Variants in FNBP1L observed in about 807,000 individuals in gnomAD.
FNBP1L encodes formin binding protein 1 like.
A neutral mutation model predicts 91.2 loss-of-function variants in FNBP1L; 36 were observed. The observed-to-expected ratio is 0.39, with a 90% CI of 0.30 to 0.52. The LOEUF is 0.52. Ranked by LOEUF, FNBP1L falls within the 20% of genes least tolerant of loss-of-function variation. The pLI, the probability that FNBP1L is intolerant of heterozygous loss-of-function variation, is 0.66. For synonymous variants in FNBP1L, 242 were observed against 237.0 expected, an observed-to-expected ratio of 1.02 and a Z score of -0.19; for missense variants, 571 against 732.1, an observed-to-expected ratio of 0.78 and a Z score of 2.54.
chr1:93,533,659 G>T (rs1671755346), intron 8 of FNBP1L, among the ~76,000 whole-genome samples: 1 of 152,206 alleles, frequency 6.6e-6, no homozygotes, highest in African/African-American at 2.4e-5. Flanking sequence ...ACTGGTGTTT[G>T]CAGGATATCA....
chr1:93,478,059 CTG>C (rs2101704709), intron 1 of FNBP1L, among the ~76,000 whole-genome samples: 2 of 152,308 alleles, frequency 1.3e-5, no homozygotes, highest in South Asian at 2.1e-4. Flanking sequence ...ACTGTGAAAA[CTG>C]TGTGAATTAA....
chr1:93,551,106 G>T lies in FNBP1L; in HGVS notation c.1810+1G>T. ...GTAACTCTAGAGAAAAACAGTAAAG[G>T]TGCAGTAACTTATATCTAAACTAAC... On this transcript the variant is annotated splice_donor_variant, in intron 16 of 16. Coordinates refer to ENST00000271234, the MANE Select transcript of FNBP1L (RefSeq NM_001164473.3). LOFTEE classifies it high-confidence loss of function. 2 of 1,602,900 alleles carry T rather than the reference G, an allele frequency of 1.2e-6. No homozygotes were observed. Among genetic ancestry groups the T allele is most frequent in the South Asian group, 1.1e-5 (1 of 89,490 alleles).
chr1:93,550,466 G>A (rs918064227), intron 15 of FNBP1L, among the ~76,000 whole-genome samples: 4 of 152,122 alleles, frequency 2.6e-5, no homozygotes, highest in Non-Finnish European at 5.9e-5. Flanking sequence ...AGTTGTGTAT[G>A]GCCATTCTGT....
chr1:93,491,118 A>C (rs1490633277), intron 1 of FNBP1L, among the ~76,000 whole-genome samples: 22 of 151,758 alleles, frequency 1.4e-4, no homozygotes. Context: ...TTTTTTAAAA[A>C]ATTATTTTTT....
chr1:93,551,078 G>A lies in FNBP1L; in HGVS notation c.1783G>A (p.Asp595Asn), dbSNP rs769227073. Reference sequence around the variant, plus strand: ...AGGCTACGTTCCCACGTCATACATAGATGTAACTCTAGAGAAAAACAGTAA... The same window carrying A: ...AGGCTACGTTCCCACGTCATACATAAATGTAACTCTAGAGAAAAACAGTAA... ...EEGYVPTSYI[D>N]VTLEKNSKGS Residue 595 changes from aspartate to asparagine, a missense_variant, in exon 16 of 17, where the codon GAT (aspartate) becomes AAT (asparagine). Asp to Asn is a conservative substitution (Grantham distance 23). Transcript: ENST00000271234. The A allele has an allele frequency of 1.1e-5, 18 of 1,610,652 alleles. No homozygotes were observed. In the Admixed American group the frequency reaches 1.7e-4, roughly 15 times the overall value.
chr1:93,521,114 T>G (rs1671308544), intron 2 of FNBP1L, among the ~76,000 whole-genome samples: 1 of 152,026 alleles, frequency 6.6e-6, no homozygotes, highest in Non-Finnish European at 1.5e-5. Flanking sequence ...CAAACAAAGG[T>G]AGTCCATTCT....
At chr1:93,460,832 A>G (rs1334723485) in intron 1 of FNBP1L, among the ~76,000 whole-genome samples, 1 of 152,238 alleles carries the variant, frequency 6.6e-6, no homozygotes, top group Non-Finnish European at 1.5e-5. Context: ...TTATGCAGGA[A>G]GAATAAGTTA....
chr1:93,520,291 ATAAT>A (rs1671280021), intron 2 of FNBP1L, among the ~76,000 whole-genome samples: 2 of 152,342 alleles, frequency 1.3e-5, no homozygotes, highest in South Asian at 4.1e-4. Context: ...TAATCTGAGA[ATAAT>A]TAAGACAGTG....
chr1:93,544,670 A>G (rs1672158332), intron 12 of FNBP1L, among the ~76,000 whole-genome samples: 2 of 152,108 alleles, frequency 1.3e-5, no homozygotes, highest in South Asian at 4.1e-4. Context: ...CGTTTCCTCT[A>G]GTTTAATTTT....
At chr1:93,495,670 A>T (rs1390257533) in intron 1 of FNBP1L, among the ~76,000 whole-genome samples, 1 of 152,162 alleles carries the variant, frequency 6.6e-6, no homozygotes, top group Non-Finnish European at 1.5e-5. Context: ...TTCTTTAACT[A>T]GTATGCTTAC....
chr1:93,491,780 T>G lies in FNBP1L; in HGVS notation c.25-7688T>G, dbSNP rs557014959. Among the ~76,000 whole-genome samples, 4 of 152,348 alleles carry G rather than the reference T, an allele frequency of 2.6e-5. No individual in the cohort carries two copies. In the East Asian group the frequency reaches 7.7e-4, roughly 29 times the overall value. On this transcript the variant is annotated intron_variant, in intron 1 of 16. Coordinates refer to ENST00000271234, the MANE Select transcript of FNBP1L (RefSeq NM_001164473.3). ...AAGTATAGTACAACCTTAAATATAC[T>G]TAACACAATTATAGGCTTCTGTTAT...
chr1:93,512,955 A>G (rs1670916017), intron 2 of FNBP1L, among the ~76,000 whole-genome samples: 1 of 152,122 alleles, frequency 6.6e-6, no homozygotes, highest in East Asian at 1.9e-4. Context: ...AGACACAAAA[A>G]ACCCTTCAAA....
Position 93,502,069 on chromosome 1 carries a change from C to T in FNBP1L, c.140+2486C>T, listed in dbSNP as rs577550921. Reference sequence around the variant, plus strand: ...CATTTTAAAATTTAAAAGCCTTATTCATCAGGTTGAATGATGAATGTGCAG... The same window carrying T: ...CATTTTAAAATTTAAAAGCCTTATTTATCAGGTTGAATGATGAATGTGCAG... On this transcript the variant is annotated intron_variant, in intron 2 of 16. Transcript: ENST00000271234. Among the ~76,000 whole-genome samples, 9 of 152,224 alleles carry T rather than the reference C, an allele frequency of 5.9e-5. No individual in the cohort carries two copies. In the South Asian group the frequency reaches 1.7e-3, roughly 28 times the overall value.
intron 9 of FNBP1L, among the ~76,000 whole-genome samples, chr1:93,535,889 A>G (rs1671831080): frequency 6.6e-6 from 1 of 151,962 alleles, no homozygotes; most frequent in African/African-American, 2.4e-5. Context: ...ATGTAATGAA[A>G]ATTTTTTTGC....
intron 15 of FNBP1L, among the ~76,000 whole-genome samples, chr1:93,550,220 G>A (rs934322518): frequency 1.3e-5 from 2 of 152,126 alleles, no homozygotes; most frequent in African/African-American, 4.8e-5. Context: ...GCAGTGATGT[G>A]TGCCTATAGT....
chr1:93,535,282 G>A lies in FNBP1L; in HGVS notation c.990+374G>A, dbSNP rs17110036. 3.2e-3 allele frequency among the ~76,000 whole-genome samples: 484 copies of A among 152,188 alleles called. 1 individual carries two copies. Among genetic ancestry groups the A allele is most frequent in the African/African-American group, 0.011 (461 of 41,554 alleles). On this transcript the variant is annotated intron_variant, in intron 9 of 16. Coordinates refer to ENST00000271234, the MANE Select transcript of FNBP1L (RefSeq NM_001164473.3). ...TGACCACAGCCATAATACATGTCAA[G>A]TTAGGTTTTATAGATCCTACTACTA...
chr1:93,450,142 A>AGT (rs1209470776), intron 1 of FNBP1L, among the ~76,000 whole-genome samples: 1 of 152,160 alleles, frequency 6.6e-6, no homozygotes, highest in Non-Finnish European at 1.5e-5. Flanking sequence ...AAAACATTTT[A>AGT]GTGAATAATA....
At chr1:93,479,717 A>C (rs1336584511) in intron 1 of FNBP1L, among the ~76,000 whole-genome samples, 1 of 152,224 alleles carries the variant, frequency 6.6e-6, no homozygotes, top group African/African-American at 2.4e-5. Context: ...CTGCAAGAAG[A>C]AAAATATGGC....
chr1:93,518,058 T>C (rs534572979), intron 2 of FNBP1L, among the ~76,000 whole-genome samples: 10 of 152,312 alleles, frequency 6.6e-5, no homozygotes, highest in African/African-American at 2.4e-4. Context: ...GTATGACAAA[T>C]GGTAACTCCT....
Sources: allele counts gnomAD v4.1 joint callset (sites outside exome capture counted in the v4.1 genomes callset), GRCh38; gene constraint gnomAD v4.1.1; transcripts MANE v1.5; gene names NCBI Gene and HGNC (gene_info 2026-07-23, HGNC 2026-07-21).